The following ARHGAP32 variants were observed in gnomAD, a reference collection of about 807,000 sequenced individuals.
ARHGAP32 encodes Rho GTPase activating protein 32.
In ARHGAP32, 51 loss-of-function variants were observed where a neutral mutation model predicts 186.5. That is an observed-to-expected ratio of 0.27 (90% CI 0.22 to 0.35). The LOEUF is 0.35. Among genes scored for constraint, ARHGAP32 ranks in the 10% least tolerant of loss-of-function variants. The probability of loss-of-function intolerance (pLI) is 1.00; values close to 1 mark genes in which losing one functional copy is unlikely to be tolerated. For synonymous variants in ARHGAP32, 950 were observed against 964.3 expected, an observed-to-expected ratio of 0.99 and a Z score of 0.27; for missense variants, 2,186 against 2,623.5, an observed-to-expected ratio of 0.83 and a Z score of 3.64.
At chr11:129,170,348 T>G (rs1943733331) in intron 1 of ARHGAP32, among the ~76,000 whole-genome samples, 1 of 150,732 alleles carries the variant, frequency 6.6e-6, no homozygotes, top group South Asian at 2.2e-4. Context: ...ACCCCACAAC[T>G]GGCCCCGATC....
chr11:129,204,004 T>C (rs1944487670), intron 1 of ARHGAP32, among the ~76,000 whole-genome samples: 1 of 148,008 alleles, frequency 6.8e-6, no homozygotes, highest in Non-Finnish European at 1.5e-5. Context: ...GTATAATATA[T>C]ATTTATACTA....
intron 1 of ARHGAP32, among the ~76,000 whole-genome samples, chr11:129,275,226 G>A (rs957408583): frequency 6.6e-6 from 1 of 152,146 alleles, no homozygotes; most frequent in Non-Finnish European, 1.5e-5. Flanking sequence ...AAATATTTTA[G>A]GCATACTTTC....
intron 6 of ARHGAP32, among the ~76,000 whole-genome samples, chr11:129,087,977 ACTGCCAAC>A (rs1941461202): frequency 6.6e-6 from 1 of 152,238 alleles, no homozygotes; most frequent in Non-Finnish European, 1.5e-5. Flanking sequence ...ATAAGTGTCA[ACTGCCAAC>A]CACACAAATG....
chr11:129,219,565 C>G (rs1944687448), intron 1 of ARHGAP32, among the ~76,000 whole-genome samples: 1 of 152,120 alleles, frequency 6.6e-6, no homozygotes, highest in African/African-American at 2.4e-5. Context: ...TGCAAACCAG[C>G]AAAAATCACA....
upstream of ARHGAP32, among the ~76,000 whole-genome samples, chr11:129,279,582 C>T (rs946258082): frequency 6.8e-6 from 1 of 146,402 alleles, no homozygotes; most frequent in Non-Finnish European, 1.5e-5. Context: ...GCCTCCGCCT[C>T]CTCCGCTCCG....
intron 1 of ARHGAP32, among the ~76,000 whole-genome samples, chr11:129,263,134 T>A (rs930045361): frequency 6.6e-6 from 1 of 152,108 alleles, no homozygotes; most frequent in Admixed American, 6.5e-5. Context: ...GCTATGGAAG[T>A]CTTAGAAGAA....
intron 10 of ARHGAP32, among the ~76,000 whole-genome samples, chr11:129,043,519 T>C (rs1251943422): frequency 6.6e-6 from 1 of 151,214 alleles, no homozygotes; most frequent in African/African-American, 2.4e-5. Flanking sequence ...CCCAAGTAAC[T>C]GGGATTATAC....
chr11:128,993,236 AT>A (rs1462841943), intron 12 of ARHGAP32: 2 of 152,200 alleles, frequency 1.3e-5, no homozygotes, highest in Non-Finnish European at 2.9e-5. Flanking sequence ...AAAAATTTTT[AT>A]TTTATATGGA....
At chr11:129,138,346 T>G (rs1213583316) in intron 2 of ARHGAP32, among the ~76,000 whole-genome samples, 1 of 147,294 alleles carries the variant, frequency 6.8e-6, no homozygotes, top group Non-Finnish European at 1.5e-5. Flanking sequence ...GTAGAGCATC[T>G]CTAACAAGGG....
intron 6 of ARHGAP32, among the ~76,000 whole-genome samples, chr11:129,081,333 T>A (rs916983157): frequency 3.3e-5 from 5 of 151,688 alleles, no homozygotes; most frequent in African/African-American, 1.2e-4. Context: ...CAGACCAATA[T>A]CCCTGAAGAA....
intron 11 of ARHGAP32, among the ~76,000 whole-genome samples, chr11:129,029,025 T>G (rs147776383): frequency 6.6e-6 from 1 of 152,300 alleles, no homozygotes; most frequent in African/African-American, 2.4e-5. Context: ...GGGGATATTT[T>G]TTATGCATAG....
intron 1 of ARHGAP32, among the ~76,000 whole-genome samples, chr11:129,252,685 A>T (rs977146589): frequency 6.6e-6 from 1 of 152,214 alleles, no homozygotes; most frequent in Admixed American, 6.5e-5. Flanking sequence ...ATATACTGCC[A>T]TAAAGTACTA....
intron 5 of ARHGAP32, among the ~76,000 whole-genome samples, chr11:129,095,375 GTAATCAC>G (rs1190415670): frequency 6.6e-6 from 1 of 152,162 alleles, no homozygotes; most frequent in Non-Finnish European, 1.5e-5. Flanking sequence ...ACACTGTAGT[GTAATCAC>G]TAAAGTGATA....
intron 1 of ARHGAP32, among the ~76,000 whole-genome samples, chr11:129,232,906 C>A (rs2135641355): frequency 6.6e-6 from 1 of 152,288 alleles, no homozygotes; most frequent in East Asian, 1.9e-4. Context: ...TTCCCTCTCT[C>A]TTCCACAAGG....
chr11:129,250,530 G>C (rs1945167582), intron 1 of ARHGAP32, among the ~76,000 whole-genome samples: 1 of 152,166 alleles, frequency 6.6e-6, no homozygotes, highest in Non-Finnish European at 1.5e-5. Context: ...GGTTGAATTT[G>C]TGGGAAATTT....
chr11:129,048,538 G>T (rs942242125), intron 10 of ARHGAP32, among the ~76,000 whole-genome samples: 5 of 151,928 alleles, frequency 3.3e-5, no homozygotes, highest in African/African-American at 1.2e-4. Context: ...AGAACCAAAG[G>T]GTGAAGGGTT....
intron 5 of ARHGAP32, among the ~76,000 whole-genome samples, chr11:129,107,769 G>A (rs1458759597): frequency 6.6e-6 from 1 of 151,532 alleles, no homozygotes; most frequent in Non-Finnish European, 1.5e-5. Flanking sequence ...TTGGGAGGCT[G>A]AGGCAGGAGA....
intron 12 of ARHGAP32, among the ~76,000 whole-genome samples, chr11:128,989,516 T>TCACACA (rs56090706): frequency 0.054 from 7,515 of 138,904 alleles, 465 homozygotes; most frequent in African/African-American, 0.15. Flanking sequence ...GTTTTTTATT[T>TCACACA]CACACACACA....
At chr11:129,270,149 G>A (rs1591389168) in intron 1 of ARHGAP32, among the ~76,000 whole-genome samples, 1 of 151,704 alleles carries the variant, frequency 6.6e-6, no homozygotes, top group Non-Finnish European at 1.5e-5. Flanking sequence ...TAAATAAACT[G>A]TAGTATATCC....
Sources: gnomAD v4.1 joint callset for allele counts (sites outside exome capture counted in the v4.1 genomes callset) on GRCh38, gnomAD v4.1.1 for gene constraint, MANE v1.5 for transcripts, NCBI Gene and HGNC (gene_info 2026-07-23, HGNC 2026-07-21) for gene names.